Variants in SLC35F4 observed in about 807,000 individuals in gnomAD.
SLC35F4 encodes chromosome 14 open reading frame 36.
SLC35F4 carries 24 observed loss-of-function variants against 44.2 expected under a neutral mutation model. The observed-to-expected ratio is 0.54, with a 90% CI of 0.39 to 0.76. The LOEUF (loss-of-function observed/expected upper bound fraction) is 0.76. SLC35F4 is among the 30% of genes least tolerant of loss of function. The pLI, the probability that SLC35F4 is intolerant of heterozygous loss-of-function variation, is 0.00. For missense variants in SLC35F4, 562 were observed against 586.1 expected, an observed-to-expected ratio of 0.96 and a Z score of 0.42; for synonymous variants, 238 against 223.6, an observed-to-expected ratio of 1.06 and a Z score of -0.57.
intron 1 of SLC35F4, among the ~76,000 whole-genome samples, chr14:57,692,082 A>G (rs1419305321): frequency 2.6e-5 from 4 of 152,254 alleles, no homozygotes; most frequent in Admixed American, 6.5e-5. Flanking sequence ...AGCCAAGTAG[A>G]AAACTTACAT....
chr14:57,903,626 C>T (rs1235511468), intron 1 of SLC35F4, among the ~76,000 whole-genome samples: 1 of 152,200 alleles, frequency 6.6e-6, no homozygotes, highest in African/African-American at 2.4e-5. Flanking sequence ...TAGCCCAATA[C>T]ATCATGAAAA....
intron 1 of SLC35F4, among the ~76,000 whole-genome samples, chr14:57,783,011 G>A (rs907128917): frequency 2.6e-5 from 4 of 152,124 alleles, no homozygotes; most frequent in African/African-American, 9.7e-5. Flanking sequence ...AGCTGGGAGG[G>A]AGGGGAAATG....
intron 1 of SLC35F4, among the ~76,000 whole-genome samples, chr14:57,772,677 T>A (rs2077397007): frequency 1.3e-5 from 2 of 152,218 alleles, no homozygotes; most frequent in South Asian, 4.1e-4. Context: ...GTTCCATCCA[T>A]GATGCTGCAA....
intron 1 of SLC35F4, among the ~76,000 whole-genome samples, chr14:57,739,925 T>C (rs528860061): frequency 6.6e-6 from 1 of 152,178 alleles, no homozygotes; most frequent in Non-Finnish European, 1.5e-5. Context: ...AGTAGTGTGA[T>C]CTTGGCTCAC....
At chr14:57,784,560 C>T (rs1312946055) in intron 1 of SLC35F4, among the ~76,000 whole-genome samples, 3 of 152,030 alleles carry the variant, frequency 2.0e-5, no homozygotes, top group African/African-American at 7.3e-5. Context: ...GCCTGTAGTC[C>T]CAGCTACTTG....
chr14:57,620,791 A>C (rs2140091347), intron 1 of SLC35F4, among the ~76,000 whole-genome samples: 1 of 152,290 alleles, frequency 6.6e-6, no homozygotes, highest in South Asian at 2.1e-4. Context: ...ACTCCTATTC[A>C]ACATAGTGTT....
At chr14:57,656,762 C>T (rs1353444848) in intron 1 of SLC35F4, among the ~76,000 whole-genome samples, 1 of 152,074 alleles carries the variant, frequency 6.6e-6, no homozygotes, top group African/African-American at 2.4e-5. Context: ...ATGTCTGTGC[C>T]TCTATTATTA....
At chr14:57,593,193 A>G (rs1290087375) in intron 2 of SLC35F4, among the ~76,000 whole-genome samples, 2 of 152,244 alleles carry the variant, frequency 1.3e-5, no homozygotes, top group East Asian at 1.9e-4. Context: ...CGGTCATACA[A>G]TGAGAGGAAG....
intron 1 of SLC35F4, among the ~76,000 whole-genome samples, chr14:57,847,478 T>C (rs1886138529): frequency 6.6e-6 from 1 of 152,220 alleles, no homozygotes; most frequent in Admixed American, 6.5e-5. Context: ...TTCTGTTACT[T>C]TGAAAATTTG....
intron 1 of SLC35F4, among the ~76,000 whole-genome samples, chr14:57,902,258 T>C (rs1889016447): frequency 6.6e-6 from 1 of 152,068 alleles, no homozygotes; most frequent in South Asian, 2.1e-4. Flanking sequence ...AATGTTCATA[T>C]CCTTTAACTT....
At chr14:57,760,242 T>G (rs35232354) in intron 1 of SLC35F4, among the ~76,000 whole-genome samples, 27,583 of 152,126 alleles carry the variant, frequency 0.18, 2,621 homozygotes, top group Middle Eastern at 0.22. Flanking sequence ...TTCATTATTT[T>G]GCATGTGGAA....
chr14:57,770,106 C>G (rs2077327541), intron 1 of SLC35F4, among the ~76,000 whole-genome samples: 1 of 152,114 alleles, frequency 6.6e-6, no homozygotes, highest in African/African-American at 2.4e-5. Context: ...AGCAGGGTTC[C>G]AGGTGACTCC....
rs1387642850 is a variant in SLC35F4 at position 57,696,420 on chromosome 14, G to A, written c.104-102296C>T. On this transcript the variant is annotated intron_variant, in intron 1 of 7. Transcript: ENST00000556826. ...ATCATTAAAAAGTTGGGAAACAACA[G>A]ATGCTGGCGAGGATGTGGAGAAATA... Among the ~76,000 whole-genome samples the A allele has an allele frequency of 2.0e-5, 3 of 152,214 alleles. 1 individual carries two copies. The highest frequency in any genetic ancestry group is 2.9e-5 in the Non-Finnish European group (2 of 68,040).
intron 1 of SLC35F4, among the ~76,000 whole-genome samples, chr14:57,819,338 T>C (rs1315554780): frequency 6.6e-6 from 1 of 152,096 alleles, no homozygotes; most frequent in Non-Finnish European, 1.5e-5. Flanking sequence ...TTTAAATATA[T>C]AAATAGATAC....
chr14:57,951,559 A>G (rs1326811853), intron 1 of SLC35F4, among the ~76,000 whole-genome samples: 1 of 152,176 alleles, frequency 6.6e-6, no homozygotes, highest in Admixed American at 6.5e-5. Context: ...TACCAGCACA[A>G]TAGCCTGGAG....
In SLC35F4 at chr14:57,857,092, A is replaced by T. The variant is rs1011486857; in HGVS notation, c.103+8631T>A. Among the ~76,000 whole-genome samples, 3 of 151,986 alleles carry T rather than the reference A, an allele frequency of 2.0e-5. No individual in the cohort carries two copies. The South Asian group carries it at 6.2e-4, about 32-fold the overall frequency. On this transcript the variant is annotated intron_variant, in intron 1 of 7. Transcript: ENST00000556826. ...GGAGTTCGAGACCAGCCCGGCCAAC[A>T]TGGTGAAACCCCATCTCTACTAAAA...
chr14:57,815,594 C>T (rs940216390), intron 1 of SLC35F4, among the ~76,000 whole-genome samples: 24 of 152,248 alleles, frequency 1.6e-4, no homozygotes, highest in African/African-American at 4.3e-4. Flanking sequence ...TGTGACCCTT[C>T]TTACTTCTAC....
chr14:57,758,001 ATGTGTG>A (rs34860997), intron 1 of SLC35F4, among the ~76,000 whole-genome samples: 2,996 of 128,986 alleles, frequency 0.023, 78 homozygotes, highest in African/African-American at 0.064. Context: ...TTATAGGTTC[ATGTGTG>A]TGTGTGTGTG....
intron 1 of SLC35F4, among the ~76,000 whole-genome samples, chr14:57,618,141 G>A (rs771967855): frequency 1.3e-5 from 2 of 152,168 alleles, no homozygotes; most frequent in Non-Finnish European, 2.9e-5. Flanking sequence ...ATTAGTATAT[G>A]AGTAAAACCA....
Sources: gnomAD v4.1 joint callset for allele counts (sites outside exome capture counted in the v4.1 genomes callset) on GRCh38, gnomAD v4.1.1 for gene constraint, MANE v1.5 for transcripts, NCBI Gene and HGNC (gene_info 2026-07-23, HGNC 2026-07-21) for gene names.